Variants in RASAL2 observed in about 807,000 individuals in gnomAD.
The protein encoded by RASAL2 is RAS protein activator like 2.
In RASAL2, 58 loss-of-function variants were observed where a neutral mutation model predicts 128.9. The observed-to-expected ratio is 0.45, with a 90% confidence interval of 0.36 to 0.56. The LOEUF is 0.56. RASAL2 is among the 20% of genes least tolerant of loss of function. The pLI, the probability that RASAL2 is intolerant of heterozygous loss-of-function variation, is 0.00. For missense variants in RASAL2, 1,360 were observed against 1,601.6 expected (o/e 0.85, Z 2.57); for synonymous variants, 561 against 580.8 (o/e 0.97, Z 0.49).
At chr1:178,192,328 G>A (rs1450789420) in intron 1 of RASAL2, among the ~76,000 whole-genome samples, 2 of 152,152 alleles carry the variant, frequency 1.3e-5, no homozygotes, top group Non-Finnish European at 2.9e-5. Flanking sequence ...AGTACAAAGA[G>A]AAATGCATGA....
chr1:178,220,348 T>G (rs1663572939), intron 1 of RASAL2, among the ~76,000 whole-genome samples: 1 of 152,166 alleles, frequency 6.6e-6, no homozygotes, highest in African/African-American at 2.4e-5. Context: ...GGCCAGTTGA[T>G]GGAGCAGTCA....
At chr1:178,237,656 T>C (rs1367593621) in intron 1 of RASAL2, among the ~76,000 whole-genome samples, 2 of 152,214 alleles carry the variant, frequency 1.3e-5, no homozygotes, top group East Asian at 3.8e-4. Context: ...TTTTGAGATA[T>C]AACTTACATA....
intron 1 of RASAL2, among the ~76,000 whole-genome samples, chr1:178,281,123 GT>G (rs989421072): frequency 2.0e-4 from 30 of 151,494 alleles, no homozygotes; most frequent in Middle Eastern, 6.8e-3. Flanking sequence ...TTTTTTTCTT[GT>G]TTTTTTTCCC....
intron 4 of RASAL2, among the ~76,000 whole-genome samples, chr1:178,393,771 A>G (rs1673054913): frequency 6.6e-6 from 1 of 152,190 alleles, no homozygotes; most frequent in South Asian, 2.1e-4. Context: ...TCATCTTTAT[A>G]ACAACCCCAG....
intron 1 of RASAL2, among the ~76,000 whole-genome samples, chr1:178,232,578 T>C (rs1327692403): frequency 6.6e-6 from 1 of 152,198 alleles, no homozygotes; most frequent in African/African-American, 2.4e-5. Flanking sequence ...TTTAAATTCT[T>C]CATAGTGTAA....
At chr1:178,287,413 A>G (rs1667079098) in intron 2 of RASAL2, among the ~76,000 whole-genome samples, 2 of 151,986 alleles carry the variant, frequency 1.3e-5, no homozygotes, top group Admixed American at 6.6e-5. Flanking sequence ...GTTGTGATCA[A>G]TAAAATACAA....
At chr1:178,382,004 T>C (rs1172097211) in intron 3 of RASAL2, among the ~76,000 whole-genome samples, 1 of 152,182 alleles carries the variant, frequency 6.6e-6, no homozygotes, top group African/African-American at 2.4e-5. Flanking sequence ...AAATAGTCAT[T>C]TTATGCTGAA....
chr1:178,361,181 G>A (rs534665650), intron 3 of RASAL2, among the ~76,000 whole-genome samples: 1 of 152,238 alleles, frequency 6.6e-6, no homozygotes, highest in South Asian at 2.1e-4. Flanking sequence ...AATAGGGCAT[G>A]CTTTACATAT....
Position 178,475,583 on chromosome 1 carries a change from G to A in RASAL2, c.*2344G>A, listed in dbSNP as rs902330054. The stretch of plus-strand genomic sequence containing the variant: ...GGGTGATGTCTTGCCATTGAGGTTT[G>A]GAAGCTCTTAAGTGCCGATTATGGA... On this transcript the variant is annotated 3_prime_UTR_variant, in exon 18 of 18. Transcript: ENST00000367649. The A allele has an allele frequency of 1.1e-4, 17 of 152,146 alleles. No individual in the cohort carries two copies. The highest frequency in any genetic ancestry group is 4.1e-4 in the African/African-American group (17 of 41,420). The allele number at this position is 152,146 out of a possible 1,614,324, so 9.4% of individuals were successfully genotyped here. A position where few individuals can be genotyped will look rare whatever the true frequency, so the allele number is the denominator to read the frequency against.
chr1:178,176,404 A>AT (rs35352442), intron 1 of RASAL2, among the ~76,000 whole-genome samples: 54,815 of 147,862 alleles, frequency 0.37, 10,383 homozygotes, highest in Middle Eastern at 0.5. Flanking sequence ...TTTTGATGGG[A>AT]TTTTTTTTTT....
At chr1:178,386,013 AGG>A (rs150575197) in intron 3 of RASAL2, among the ~76,000 whole-genome samples, 3,646 of 152,228 alleles carry the variant, frequency 0.024, 58 homozygotes, top group South Asian at 0.072. Flanking sequence ...CTTACTCCTT[AGG>A]GTCCTCTCAA....
intron 1 of RASAL2, among the ~76,000 whole-genome samples, chr1:178,242,459 C>T (rs866771608): frequency 6.7e-4 from 77 of 114,202 alleles, no homozygotes; most frequent in Middle Eastern, 4.5e-3. Context: ...CTCTCTCTCT[C>T]TCTCTCTCTC....
intron 1 of RASAL2, among the ~76,000 whole-genome samples, chr1:178,271,146 T>C (rs1666233291): frequency 6.6e-6 from 1 of 152,188 alleles, no homozygotes; most frequent in East Asian, 1.9e-4. Context: ...CTACCCCTCT[T>C]CTCCATTGAG....
intron 3 of RASAL2, among the ~76,000 whole-genome samples, chr1:178,388,949 T>G: frequency 6.6e-6 from 1 of 152,186 alleles, no homozygotes; most frequent in East Asian, 1.9e-4. Flanking sequence ...ATTTCTTTCT[T>G]GCTTGCTCTC....
At chr1:178,388,683 G>A (rs1403945535) in intron 3 of RASAL2, among the ~76,000 whole-genome samples, 2 of 152,220 alleles carry the variant, frequency 1.3e-5, no homozygotes, top group Non-Finnish European at 2.9e-5. Context: ...GATAGTAAAA[G>A]GGTAAGCACT....
At chr1:178,360,256 T>C (rs944988554) in intron 3 of RASAL2, among the ~76,000 whole-genome samples, 1 of 152,186 alleles carries the variant, frequency 6.6e-6, no homozygotes, top group African/African-American at 2.4e-5. Flanking sequence ...CCTTCTGGCA[T>C]TGGAGTAGGG....
chr1:178,100,478 C>G (rs574593839), intron 1 of RASAL2, among the ~76,000 whole-genome samples: 8 of 150,246 alleles, frequency 5.3e-5, no homozygotes, highest in Non-Finnish European at 1.0e-4. Flanking sequence ...TAGCTGAGAT[C>G]GTGCCACTGC....
chr1:178,194,287 T>C lies in RASAL2; in HGVS notation c.203-89277T>C, dbSNP rs545942102. On this transcript the variant is annotated intron_variant, in intron 1 of 17. Coordinates refer to ENST00000367649, the MANE Select transcript of RASAL2 (RefSeq NM_170692.4). Reference sequence around the variant, plus strand: ...TAAGTCATTTCTTACAAAAATGTCATGAATTAAAGTATTTTACAGCATTTA... The same window carrying C: ...TAAGTCATTTCTTACAAAAATGTCACGAATTAAAGTATTTTACAGCATTTA... 34 of 218,696 alleles carry C rather than the reference T, an allele frequency of 1.6e-4. No homozygotes were observed. The Middle Eastern group carries it at 1.7e-3, about 11-fold the overall frequency. The allele number at this position is 218,696 out of a possible 1,614,324, so 13.5% of individuals were successfully genotyped here.
intron 1 of RASAL2, among the ~76,000 whole-genome samples, chr1:178,226,856 C>T (rs1663807895): frequency 6.6e-6 from 1 of 152,192 alleles, no homozygotes; most frequent in Non-Finnish European, 1.5e-5. Context: ...AGGAGAATCA[C>T]TTGAACCCGG....
Sources: gnomAD v4.1 joint callset for allele counts (sites outside exome capture counted in the v4.1 genomes callset) on GRCh38, gnomAD v4.1.1 for gene constraint, MANE v1.5 for transcripts, NCBI Gene and HGNC (gene_info 2026-07-23, HGNC 2026-07-21) for gene names.